Variants in DESI2 observed in about 807,000 individuals in gnomAD.
DESI2 encodes the protein desumoylating isopeptidase 2.
Under a neutral mutation model 24.1 loss-of-function variants are expected in DESI2, and 10 were observed. That is an observed-to-expected ratio of 0.41 (90% confidence interval 0.26 to 0.70). DESI2 has a LOEUF of 0.70. Ranked by LOEUF, DESI2 falls within the 30% of genes least tolerant of loss-of-function variation. DESI2 has a pLI of 0.29. For missense variants in DESI2, 122 were observed against 234.9 expected (o/e 0.52, Z 3.14); for synonymous variants, 71 against 87.7 (o/e 0.81, Z 1.06).
At chr1:244,675,667 T>C (rs1676391453) in intron 1 of DESI2, among the ~76,000 whole-genome samples, 1 of 152,236 alleles carries the variant, frequency 6.6e-6, no homozygotes, top group Admixed American at 6.5e-5. Flanking sequence ...TAATACACTG[T>C]CTTGATTACT....
At chr1:244,685,447 A>G (rs1031622089) in intron 1 of DESI2, among the ~76,000 whole-genome samples, 13 of 152,184 alleles carry the variant, frequency 8.5e-5, no homozygotes, top group African/African-American at 2.2e-4. Context: ...TCCTGCAACA[A>G]TGCCATATTG....
rs568748088 is a variant in DESI2, at chr1:244,656,506, A to C, written c.42+3151A>C. On this transcript the variant is annotated intron_variant, in intron 1 of 4. Transcript: ENST00000302550. ...TACTTTGGAGTAATCTACCACCAAT[A>C]AAAACGTCCTGGAGCTACTTTCTGA... 3.3e-5 allele frequency: 5 copies of C among 152,312 alleles called. No homozygotes were observed. The East Asian group carries it at 9.6e-4, about 29-fold the overall frequency. 9.4% of individuals were successfully genotyped at this position (152,312 alleles called of 1,614,324 possible).
chr1:244,694,325 A>T (rs1677131267), intron 4 of DESI2: 23 of 489,252 alleles, frequency 4.7e-5, no homozygotes, highest in Middle Eastern at 1.4e-3. Context: ...CCAAAAGAGT[A>T]TTATATGGTG....
At chr1:244,678,335 G>C (rs1048807330) in intron 1 of DESI2, among the ~76,000 whole-genome samples, 2 of 152,086 alleles carry the variant, frequency 1.3e-5, no homozygotes, top group Non-Finnish European at 2.9e-5. Context: ...TGAATACAAG[G>C]AATTTTCAGA....
rs1210385754 is a variant in DESI2 at position 244,697,521 on chromosome 1, G to A, written c.351+5501G>A. Among the ~76,000 whole-genome samples, 3 of 151,414 alleles carry A rather than the reference G, an allele frequency of 2.0e-5. No individual in the cohort carries two copies. The East Asian group carries it at 5.8e-4, about 29-fold the overall frequency. On this transcript the variant is annotated intron_variant, in intron 4 of 4. Transcript: ENST00000302550. ...ACTGAGAAAAGAAAGGATGAAATGG[G>A]TAGAGGTATGGAAAACCTTTGATGT...
intron 4 of DESI2, among the ~76,000 whole-genome samples, chr1:244,692,543 A>G (rs1210564487): frequency 6.6e-6 from 1 of 151,420 alleles, no homozygotes; most frequent in Non-Finnish European, 1.5e-5. Context: ...AAGAAATTAG[A>G]AAGATTATAA....
intron 1 of DESI2, among the ~76,000 whole-genome samples, chr1:244,685,090 TTCTC>T (rs1295046671): frequency 1.3e-5 from 2 of 152,174 alleles, no homozygotes; most frequent in African/African-American, 4.8e-5. Context: ...TCCACACAGA[TTCTC>T]TCTTTTTGCA....
At chr1:244,658,102 G>A (rs149035318) in intron 1 of DESI2, among the ~76,000 whole-genome samples, 1 of 152,198 alleles carries the variant, frequency 6.6e-6, no homozygotes, top group African/African-American at 2.4e-5. Flanking sequence ...TCAAGTTCAG[G>A]CCCTCATCTC....
At chr1:244,693,602 C>A (rs1397607286) in intron 4 of DESI2, among the ~76,000 whole-genome samples, 3 of 152,020 alleles carry the variant, frequency 2.0e-5, no homozygotes, top group Non-Finnish European at 4.4e-5. Context: ...TGGCTAATTT[C>A]GTATTTTTAG....
chr1:244,686,067 A>G (rs1052951864), intron 1 of DESI2, among the ~76,000 whole-genome samples: 2 of 152,212 alleles, frequency 1.3e-5, no homozygotes, highest in Non-Finnish European at 2.9e-5. Context: ...ATGTTGTTCT[A>G]ACCTTTGTGC....
At chr1:244,664,020 GAAAAAAAAAAA>G (rs34195856) in intron 1 of DESI2, among the ~76,000 whole-genome samples, 2 of 89,382 alleles carry the variant, frequency 2.2e-5, no homozygotes, top group East Asian at 3.3e-4. Context: ...TCCGTCTCAG[GAAAAAAAAAAA>G]AAAAAAAAAA....
chr1:244,698,908 C>T (rs12057937), intron 4 of DESI2, among the ~76,000 whole-genome samples: 66,056 of 152,158 alleles, frequency 0.43, 17,931 homozygotes, highest in African/African-American at 0.78. Context: ...CTTGTGATTA[C>T]TGACAAAAGC....
chr1:244,656,792 T>C (rs1043509040), intron 1 of DESI2, among the ~76,000 whole-genome samples: 2 of 152,220 alleles, frequency 1.3e-5, no homozygotes, highest in Non-Finnish European at 2.9e-5. Context: ...TTTATTTTAT[T>C]TATTTGTTTT....
intron 1 of DESI2, chr1:244,653,617 C>T (rs958777847): frequency 9.5e-6 from 5 of 525,276 alleles, no homozygotes; most frequent in South Asian, 7.5e-5. Flanking sequence ...CAGCTTGGAC[C>T]CGACCCCGGC....
intron 4 of DESI2, among the ~76,000 whole-genome samples, chr1:244,702,471 G>A (rs1169750410): frequency 6.6e-6 from 1 of 152,148 alleles, no homozygotes; most frequent in African/African-American, 2.4e-5. Flanking sequence ...CCCAGATTGT[G>A]CCACTGCACT....
intron 1 of DESI2, among the ~76,000 whole-genome samples, chr1:244,673,024 GT>G (rs1040661080): frequency 6.6e-6 from 1 of 151,824 alleles, no homozygotes; most frequent in Non-Finnish European, 1.5e-5. Flanking sequence ...TTTTGGTTTG[GT>G]TTTTTTTACA....
chr1:244,700,427 G>A (rs776170269), intron 4 of DESI2, among the ~76,000 whole-genome samples: 5 of 151,960 alleles, frequency 3.3e-5, no homozygotes, highest in Non-Finnish European at 7.4e-5. Flanking sequence ...CTTCAAGTTG[G>A]CTCATAAGTC....
intron 1 of DESI2, among the ~76,000 whole-genome samples, chr1:244,677,433 A>G (rs1676449536): frequency 6.6e-6 from 1 of 152,182 alleles, no homozygotes; most frequent in Admixed American, 6.5e-5. Context: ...CGCTACTTTA[A>G]CTTTACAAAG....
rs148509667 is a variant in DESI2 at position 244,654,948 on chromosome 1, A to G, written c.42+1593A>G. ...TAGGAGTATACAGTGGCCAGAAGCC[A>G]TGGTTTCAGAGCCTAAAAGAATTTG... On this transcript the variant is annotated intron_variant, in intron 1 of 4. Transcript: ENST00000302550. 2.5e-4 allele frequency among the ~76,000 whole-genome samples: 38 copies of G among 152,350 alleles called. 1 individual carries two copies. The highest frequency in any genetic ancestry group is 6.8e-3 in the Middle Eastern group (2 of 294).
Sources: gnomAD v4.1 joint callset for allele counts (sites outside exome capture counted in the v4.1 genomes callset) on GRCh38, gnomAD v4.1.1 for gene constraint, MANE v1.5 for transcripts, NCBI Gene and HGNC (gene_info 2026-07-23, HGNC 2026-07-21) for gene names.